SESN1: variants seen among roughly 807,000 people sequenced by gnomAD.
SESN1 encodes the protein sestrin 1.
A neutral mutation model predicts 59.3 loss-of-function variants in SESN1; 30 were observed. The ratio of observed to expected loss-of-function variants is 0.51; its 90% CI spans 0.38 to 0.69. The LOEUF (loss-of-function observed/expected upper bound fraction) is 0.69. Ranked by LOEUF, SESN1 falls within the 30% of genes least tolerant of loss-of-function variation. SESN1 has a pLI of 0.00. For missense variants in SESN1, 566 were observed against 673.0 expected (o/e 0.84, Z 1.76); for synonymous variants, 197 against 219.9 (o/e 0.90, Z 0.92).
chr6:109,052,066 A>G (rs1196642334), intron 1 of SESN1, among the ~76,000 whole-genome samples: 3 of 152,224 alleles, frequency 2.0e-5, no homozygotes, highest in African/African-American at 7.2e-5. Context: ...GGTTTTTGCC[A>G]TTACTTTTAA....
intron 1 of SESN1, among the ~76,000 whole-genome samples, chr6:109,003,979 A>G (rs565234346): frequency 6.6e-6 from 1 of 152,310 alleles, no homozygotes; most frequent in South Asian, 2.1e-4. Flanking sequence ...AGGGTTTATT[A>G]CTGTTTTATA....
intron 1 of SESN1, among the ~76,000 whole-genome samples, chr6:109,086,735 T>G (rs1252541322): frequency 6.6e-6 from 1 of 150,856 alleles, no homozygotes; most frequent in African/African-American, 2.5e-5. Flanking sequence ...TACAAAATAC[T>G]ATATCCCATT....
At chr6:108,997,514 A>G (rs1054656795) in intron 5 of SESN1, among the ~76,000 whole-genome samples, 1 of 152,222 alleles carries the variant, frequency 6.6e-6, no homozygotes, top group African/African-American at 2.4e-5. Flanking sequence ...TAATTTCACC[A>G]TATGTAAATG....
Position 108,992,912 on chromosome 6 carries a change from G to A in SESN1, c.1121-13C>T, listed in dbSNP as rs190462806. On this transcript the variant is annotated splice_polypyrimidine_tract_variant and intron_variant, in intron 6 of 9. Transcript: ENST00000436639. ...ACTTCTTCATCATCTGGGAAAAAAG[G>A]CCATTGAAAGGTTTTTAAAAATAGG... is the stretch of plus-strand genomic sequence containing the variant. 1.1e-4 allele frequency: 170 copies of A among 1,550,248 alleles called. No individual in the cohort carries two copies. In the African/African-American group the frequency reaches 2.0e-3, roughly 18 times the overall value.
At chr6:109,002,989 G>A (rs1779659630) in intron 1 of SESN1, among the ~76,000 whole-genome samples, 1 of 151,944 alleles carries the variant, frequency 6.6e-6, no homozygotes, top group Non-Finnish European at 1.5e-5. Context: ...TTTTAGAGAA[G>A]CTCAAATAAT....
At chr6:109,083,879 T>C (rs1287007986) in intron 1 of SESN1, among the ~76,000 whole-genome samples, 2 of 152,212 alleles carry the variant, frequency 1.3e-5, no homozygotes, top group African/African-American at 4.8e-5. Context: ...AATTACTCAG[T>C]TATAATTATA....
At chr6:109,093,657 T>C in intron 1 of SESN1, 138 bp downstream of exon 1, 1 of 850,012 alleles carries the variant, frequency 1.2e-6, no homozygotes, top group East Asian at 2.7e-5. Context: ...ACTTGTTTAC[T>C]TACAGAACAC....
At position 108,985,066 on chromosome 6, in the gene SESN1, A is replaced by G. The variant is rs1779147482; in HGVS notation, c.*2478T>C. On this transcript the variant is annotated 3_prime_UTR_variant, in exon 10 of 10. Transcript: ENST00000436639. Reference sequence around the variant, plus strand: ...AAACTAGTATGATGATTCATATATGATATTCACATATACAAATATGCTAGT... The same window carrying G: ...AAACTAGTATGATGATTCATATATGGTATTCACATATACAAATATGCTAGT... Among the ~76,000 whole-genome samples the G allele has an allele frequency of 6.6e-6, 1 of 152,176 alleles. No homozygotes were observed.
intron 1 of SESN1, among the ~76,000 whole-genome samples, chr6:109,040,843 G>A (rs1463920191): frequency 4.6e-5 from 7 of 151,750 alleles, no homozygotes; most frequent in East Asian, 2.0e-4. Context: ...TAGTAGAGAC[G>A]GGGTTTCACC....
chr6:109,032,621 G>A (rs555769174), intron 1 of SESN1, among the ~76,000 whole-genome samples: 12 of 151,882 alleles, frequency 7.9e-5, no homozygotes, highest in African/African-American at 2.9e-4. Flanking sequence ...TCATCTCGTG[G>A]GGGGAGTGGG....
chr6:109,089,220 TG>T (rs1238432864), intron 1 of SESN1, among the ~76,000 whole-genome samples: 1 of 152,242 alleles, frequency 6.6e-6, no homozygotes, highest in Non-Finnish European at 1.5e-5. Flanking sequence ...CAGCTTTTGC[TG>T]CTTTACTAAT....
chr6:109,007,784 A>AC (rs887736313), intron 1 of SESN1, among the ~76,000 whole-genome samples: 1 of 129,816 alleles, frequency 7.7e-6, no homozygotes, highest in African/African-American at 3.2e-5. Context: ...AAGTCCAGGT[A>AC]CTTTTTTTTT....
intron 1 of SESN1, among the ~76,000 whole-genome samples, chr6:109,013,690 C>G (rs973943405): frequency 5.8e-4 from 89 of 152,200 alleles, no homozygotes; most frequent in African/African-American, 2.0e-3. Flanking sequence ...AGAAAACATA[C>G]AGTAATGGTT....
intron 1 of SESN1, among the ~76,000 whole-genome samples, chr6:109,072,642 G>T (rs1172555904): frequency 1.3e-5 from 2 of 152,118 alleles, no homozygotes; most frequent in Non-Finnish European, 2.9e-5. Context: ...GAGAGAGCAG[G>T]CAAGTAAAAC....
intron 1 of SESN1, chr6:109,009,078 A>T (rs1779799717): frequency 3.4e-6 from 3 of 888,428 alleles, no homozygotes; most frequent in African/African-American, 1.8e-5. Flanking sequence ...TTTCATTTAC[A>T]TGACCGCGGC....
intron 1 of SESN1, among the ~76,000 whole-genome samples, chr6:109,079,895 G>A (rs565439112): frequency 1.3e-5 from 2 of 152,316 alleles, no homozygotes; most frequent in East Asian, 3.9e-4. Flanking sequence ...AATGATTTCT[G>A]TATGAGCTCA....
At chr6:109,069,162 A>G (rs1780886411) in intron 1 of SESN1, among the ~76,000 whole-genome samples, 1 of 152,192 alleles carries the variant, frequency 6.6e-6, no homozygotes, top group Admixed American at 6.5e-5. Flanking sequence ...AAAAAAACAG[A>G]GAAGGCCATC....
At chr6:109,001,810 C>T (rs1445558983) in intron 2 of SESN1, among the ~76,000 whole-genome samples, 2 of 152,170 alleles carry the variant, frequency 1.3e-5, no homozygotes, top group Non-Finnish European at 2.9e-5. Context: ...TAAAGCCTTT[C>T]TTTACAAAAC....
intron 1 of SESN1, 23 bp from the exon 2 acceptor site, chr6:109,002,366 C>T: frequency 6.2e-7 from 1 of 1,602,974 alleles, no homozygotes; most frequent in Non-Finnish European, 8.5e-7. Context: ...ATTACACCAT[C>T]TCAGGCCTTT....
Sources: allele counts gnomAD v4.1 joint callset (sites outside exome capture counted in the v4.1 genomes callset), GRCh38; gene constraint gnomAD v4.1.1; transcripts MANE v1.5; gene names NCBI Gene and HGNC (gene_info 2026-07-23, HGNC 2026-07-21).